Variants in EYS observed in about 807,000 individuals in gnomAD.
EYS encodes protein eyes shut homolog.
EYS carries 250 observed loss-of-function variants against 282.1 expected under a neutral mutation model. The ratio of observed to expected loss-of-function variants is 0.89; its 90% confidence interval spans 0.80 to 0.98. EYS has a LOEUF of 0.98. Ranked by LOEUF, EYS falls within the 50% of genes least tolerant of loss-of-function variation. The pLI is 0.00. For synonymous variants in EYS, 1,355 were observed against 1,282.9 expected, an observed-to-expected ratio of 1.06 and a Z score of -1.20; for missense variants, 4,016 against 3,709.0, an observed-to-expected ratio of 1.08 and a Z score of -2.15.
At chr6:63,922,469 A>T (rs183089244) in intron 35 of EYS, among the ~76,000 whole-genome samples, 1 of 152,154 alleles carries the variant, frequency 6.6e-6, no homozygotes, top group Non-Finnish European at 1.5e-5. Flanking sequence ...AGGCTGAGGC[A>T]GGAGAATCAT....
intron 36 of EYS, among the ~76,000 whole-genome samples, chr6:63,830,717 T>C (rs1054904321): frequency 3.9e-5 from 6 of 152,024 alleles, no homozygotes; most frequent in Admixed American, 3.9e-4. Flanking sequence ...TACAGAGAAC[T>C]CCACAAAGAT....
chr6:65,133,389 C>G (rs574918713), intron 12 of EYS, among the ~76,000 whole-genome samples: 1 of 152,052 alleles, frequency 6.6e-6, no homozygotes, highest in African/African-American at 2.4e-5. Context: ...TACAGGGCAA[C>G]AGTAAATAAA....
At chr6:64,157,213 G>T (rs1774956703) in intron 31 of EYS, among the ~76,000 whole-genome samples, 1 of 152,034 alleles carries the variant, frequency 6.6e-6, no homozygotes, top group African/African-American at 2.4e-5. Flanking sequence ...TCCCTACAAA[G>T]GACATGAACT....
chr6:64,390,591 C>A (rs1582689019), intron 28 of EYS, among the ~76,000 whole-genome samples: 2 of 150,686 alleles, frequency 1.3e-5, no homozygotes, highest in African/African-American at 4.9e-5. Context: ...AACTAACAAA[C>A]AGAAAGGACA....
chr6:63,828,730 G>T (rs1458823940), intron 36 of EYS, among the ~76,000 whole-genome samples: 2 of 152,128 alleles, frequency 1.3e-5, no homozygotes, highest in African/African-American at 4.8e-5. Flanking sequence ...TAGTGATCAG[G>T]TAAATGCAAA....
At position 64,249,063 on chromosome 6, in the gene EYS, C is replaced by CAAAAAAAAAAAAAAAA. The variant is rs34663169; in HGVS notation, c.6192-18255_6192-18240dup. On this transcript the variant is annotated intron_variant, in intron 30 of 42. Transcript: ENST00000503581. Reference sequence around the variant, plus strand: ...TGGGCTACAGAGTGACACCCTGTCTCAAAAAAAAAAAAAAAAAAAAAAGAT... The same window carrying CAAAAAAAAAAAAAAAA: ...TGGGCTACAGAGTGACACCCTGTCTCAAAAAAAAAAAAAAAAAAAAAAAAAAAAAAAAAAAAAAGAT... Among the ~76,000 whole-genome samples, 56 of 70,056 alleles carry CAAAAAAAAAAAAAAAA rather than the reference C, an allele frequency of 8.0e-4. 2 individuals carry two copies. The highest frequency in any genetic ancestry group is 3.6e-3 in the African/African-American group (51 of 14,224). 46.0% of individuals were successfully genotyped at this position (70,056 alleles called of 152,430 possible).
intron 19 of EYS, among the ~76,000 whole-genome samples, chr6:64,840,349 T>G (rs1195154531): frequency 2.0e-5 from 3 of 152,090 alleles, no homozygotes; most frequent in Non-Finnish European, 4.4e-5. Flanking sequence ...AAATGTAACT[T>G]GCAGTCTATG....
chr6:65,523,047 C>T (rs1767429100), intron 2 of EYS, among the ~76,000 whole-genome samples: 1 of 151,918 alleles, frequency 6.6e-6, no homozygotes, highest in Admixed American at 6.6e-5. Context: ...TAAATAGAAC[C>T]TTCAAATACA....
At chr6:64,574,999 T>A (rs978748870) in intron 26 of EYS, among the ~76,000 whole-genome samples, 1 of 152,054 alleles carries the variant, frequency 6.6e-6, no homozygotes, top group Non-Finnish European at 1.5e-5. Flanking sequence ...GGCACTAGTA[T>A]CAAAAGAAGA....
intron 7 of EYS, among the ~76,000 whole-genome samples, chr6:65,394,218 G>T (rs911157685): frequency 6.6e-6 from 1 of 151,892 alleles, no homozygotes; most frequent in East Asian, 1.9e-4. Context: ...ATTAGTGTGT[G>T]TGTATGTGCG....
intron 1 of EYS, among the ~76,000 whole-genome samples, chr6:65,671,973 C>A (rs1045296753): frequency 6.6e-6 from 1 of 152,082 alleles, no homozygotes; most frequent in African/African-American, 2.4e-5. Flanking sequence ...TTTGAACTAG[C>A]ACACACTCAG....
At chr6:64,462,009 T>C (rs536887845) in intron 26 of EYS, among the ~76,000 whole-genome samples, 1 of 152,306 alleles carries the variant, frequency 6.6e-6, no homozygotes, top group East Asian at 1.9e-4. Flanking sequence ...CTTATCTATA[T>C]TATACTTGTA....
At chr6:63,873,689 T>G (rs976284395) in intron 35 of EYS, among the ~76,000 whole-genome samples, 4 of 152,276 alleles carry the variant, frequency 2.6e-5, no homozygotes, top group African/African-American at 9.6e-5. Flanking sequence ...TTTTAATGAT[T>G]GCCATTCTAA....
chr6:65,235,862 G>T (rs1766909931), intron 12 of EYS, among the ~76,000 whole-genome samples: 1 of 150,896 alleles, frequency 6.6e-6, no homozygotes, highest in African/African-American at 2.4e-5. Context: ...TATGATTAAT[G>T]ACTCTTTAAA....
In EYS at chr6:64,331,396, G is replaced by A. The variant is rs115108231; in HGVS notation, c.6079-24314C>T. On this transcript the variant is annotated intron_variant, in intron 29 of 42. Coordinates refer to ENST00000503581, the MANE Select transcript of EYS (RefSeq NM_001142800.2). ...ACGAGGCTAGAGGAAACAGAAAGGC[G>A]ACAGAGAAGCCAAAAGAGCTGCAAT... Among the ~76,000 whole-genome samples, 830 of 152,198 alleles carry A rather than the reference G, an allele frequency of 5.5e-3. 5 individuals carry two copies. The highest frequency in any genetic ancestry group is 0.018 in the African/African-American group (740 of 41,536).
chr6:63,730,433 G>A (rs1768753305), intron 41 of EYS, among the ~76,000 whole-genome samples: 1 of 152,174 alleles, frequency 6.6e-6, no homozygotes, highest in African/African-American at 2.4e-5. Flanking sequence ...AGCCTCTGGA[G>A]CTTTGCATGA....
chr6:64,516,670 G>A (rs1777568279), intron 26 of EYS, among the ~76,000 whole-genome samples: 1 of 151,674 alleles, frequency 6.6e-6, no homozygotes, highest in Admixed American at 6.6e-5. Context: ...CCTAGATTCT[G>A]TTACAGTAGA....
At chr6:65,417,186 C>G (rs1025479510) in intron 5 of EYS, among the ~76,000 whole-genome samples, 1 of 151,788 alleles carries the variant, frequency 6.6e-6, no homozygotes, top group African/African-American at 2.4e-5. Context: ...AAATTGCAAT[C>G]TAAACATGTA....
At chr6:64,215,384 G>A (rs1253277177) in intron 31 of EYS, among the ~76,000 whole-genome samples, 1 of 151,936 alleles carries the variant, frequency 6.6e-6, no homozygotes, top group African/African-American at 2.4e-5. Flanking sequence ...AAGAAGCGAA[G>A]GGTAAATGTA....
Sources: gnomAD v4.1 joint callset for allele counts (sites outside exome capture counted in the v4.1 genomes callset) on GRCh38, gnomAD v4.1.1 for gene constraint, MANE v1.5 for transcripts, NCBI Gene and HGNC (gene_info 2026-07-23, HGNC 2026-07-21) for gene names.